HOMER2: variants seen among roughly 807,000 people sequenced by gnomAD.
HOMER2 encodes homer protein homolog 2.
HOMER2 carries 27 observed loss-of-function variants against 47.0 expected under a neutral mutation model. That is an observed-to-expected ratio of 0.57 (90% CI 0.42 to 0.79). The LOEUF (loss-of-function observed/expected upper bound fraction) is 0.79. Among genes scored for constraint, HOMER2 ranks in the 30% least tolerant of loss-of-function variants. The pLI is 0.00. For missense variants in HOMER2, 443 were observed against 435.0 expected (o/e 1.02, Z -0.16); for synonymous variants, 161 against 163.8 (o/e 0.98, Z 0.13).
At chr15:82,893,678 G>A (rs550647586) in intron 1 of HOMER2, among the ~76,000 whole-genome samples, 5 of 149,998 alleles carry the variant, frequency 3.3e-5, no homozygotes, top group African/African-American at 4.9e-5. Flanking sequence ...AGGCTGGAGC[G>A]TAGTGATGCA....
chr15:82,964,897 T>C (rs1177172062), intron 1 of HOMER2, among the ~76,000 whole-genome samples: 1 of 152,254 alleles, frequency 6.6e-6, no homozygotes, highest in Admixed American at 6.5e-5. Context: ...AAAGGTTCCG[T>C]GCTCCATAGG....
At chr15:82,891,016 C>T (rs948623231) in intron 2 of HOMER2, among the ~76,000 whole-genome samples, 3 of 152,194 alleles carry the variant, frequency 2.0e-5, no homozygotes, top group East Asian at 3.9e-4. Flanking sequence ...CAGGCACTAG[C>T]ACACTTCCTT....
intron 2 of HOMER2, among the ~76,000 whole-genome samples, chr15:82,880,961 G>A (rs928396127): frequency 1.3e-5 from 2 of 152,190 alleles, no homozygotes; most frequent in Admixed American, 6.5e-5. Flanking sequence ...ACAGCTGAGT[G>A]CCCTCAATGC....
rs560002001 is a variant in HOMER2, at chr15:82,879,157, A to G, written c.163-3753T>C. Reference sequence around the variant, plus strand: ...AAAAAAATTCTAAGACTCTGGGAGTATTCTCCTTCCTTTCATCTATTTTGT... The same window carrying G: ...AAAAAAATTCTAAGACTCTGGGAGTGTTCTCCTTCCTTTCATCTATTTTGT... On this transcript the variant is annotated intron_variant, in intron 2 of 8. Coordinates refer to ENST00000450735, the MANE Select transcript of HOMER2 (RefSeq NM_004839.4). Among the ~76,000 whole-genome samples, 4 of 152,292 alleles carry G rather than the reference A, an allele frequency of 2.6e-5. No individual in the cohort carries two copies. The East Asian group carries it at 7.7e-4, about 29-fold the overall frequency.
downstream of HOMER2, chr15:82,846,530 C>T (rs200399946): frequency 6.6e-6 from 1 of 152,168 alleles, no homozygotes; most frequent in East Asian, 1.9e-4. Context: ...ACTAGAGTGG[C>T]ATGTCTCAAA....
At chr15:82,895,169 C>T (rs1769273646) in intron 1 of HOMER2, among the ~76,000 whole-genome samples, 1 of 152,188 alleles carries the variant, frequency 6.6e-6, no homozygotes, top group South Asian at 2.1e-4. Context: ...ATTCCTTGCT[C>T]CCTGAAACTT....
At chr15:82,945,943 A>C (rs188529071) in intron 1 of HOMER2, among the ~76,000 whole-genome samples, 167 of 152,104 alleles carry the variant, frequency 1.1e-3, no homozygotes, top group Admixed American at 2.4e-3. Context: ...GCACTCCAGC[A>C]TGGGCAACAG....
chr15:82,859,288 A>G, intron 4 of HOMER2, 153 bp from the exon 5 acceptor site: 2 of 1,022,364 alleles, frequency 2.0e-6, no homozygotes, highest in Non-Finnish European at 2.8e-6. Context: ...AATGCAGCAA[A>G]GACTAACAAG....
chr15:82,934,144 A>T (rs981280765), intron 1 of HOMER2, among the ~76,000 whole-genome samples: 3 of 152,122 alleles, frequency 2.0e-5, no homozygotes, highest in Non-Finnish European at 2.9e-5. Context: ...CATATGCAGA[A>T]CAGAAAGGGA....
At chr15:82,879,927 A>T (rs1313313818) in intron 2 of HOMER2, among the ~76,000 whole-genome samples, 1 of 152,246 alleles carries the variant, frequency 6.6e-6, no homozygotes, top group Non-Finnish European at 1.5e-5. Context: ...CCAGCAGGAA[A>T]ATTAACCAAG....
chr15:82,896,761 C>T (rs1292694218), intron 1 of HOMER2, among the ~76,000 whole-genome samples: 1 of 152,232 alleles, frequency 6.6e-6, no homozygotes, highest in Non-Finnish European at 1.5e-5. Context: ...AACTACCCGC[C>T]GCTCTGGGAT....
chr15:82,894,068 A>G (rs202223500), intron 1 of HOMER2, among the ~76,000 whole-genome samples: 1 of 23,656 alleles, frequency 4.2e-5, no homozygotes, highest in African/African-American at 3.1e-4. Flanking sequence ...GTTTTATGTA[A>G]ATTCATCAAA....
rs1750419270 is a variant in HOMER2, at chr15:82,851,008, G to A, written c.843+143C>T. The A allele has an allele frequency of 7.7e-6, 5 of 652,240 alleles. No individual in the cohort carries two copies. In the South Asian group the frequency reaches 9.4e-5, roughly 12 times the overall value. 40.4% of individuals were successfully genotyped at this position (652,240 alleles called of 1,614,324 possible). A position where few individuals can be genotyped will look rare whatever the true frequency, so the allele number is the denominator to read the frequency against. Reference sequence around the variant, plus strand: ...GGGTGGATGCGGTGCCATCTGGCGTGCAGTCACTGCCAGCTTTTTGTGAAT... The same window carrying A: ...GGGTGGATGCGGTGCCATCTGGCGTACAGTCACTGCCAGCTTTTTGTGAAT... On this transcript the variant is annotated intron_variant, in intron 8 of 8. Coordinates refer to ENST00000450735, the MANE Select transcript of HOMER2 (RefSeq NM_004839.4).
At chr15:82,880,705 T>C (rs1471815499) in intron 2 of HOMER2, among the ~76,000 whole-genome samples, 1 of 152,028 alleles carries the variant, frequency 6.6e-6, no homozygotes, top group Non-Finnish European at 1.5e-5. Context: ...GCTGGACCTG[T>C]GGGTTCTGGC....
intron 1 of HOMER2, among the ~76,000 whole-genome samples, chr15:82,945,550 G>A (rs1321444273): frequency 6.6e-6 from 1 of 152,094 alleles, no homozygotes; most frequent in Non-Finnish European, 1.5e-5. Context: ...TCCCTAAGAC[G>A]TGGGATGACA....
exon 2 of HOMER2, chr15:82,839,926 T>C (rs1015636202): frequency 2.6e-5 from 4 of 152,174 alleles, no homozygotes; most frequent in African/African-American, 9.7e-5. Context: ...ACACAAATTG[T>C]ACAGGCCATA....
At chr15:82,965,475 T>C (rs919447516) in intron 1 of HOMER2, among the ~76,000 whole-genome samples, 42 of 152,300 alleles carry the variant, frequency 2.8e-4, no homozygotes, top group African/African-American at 9.9e-4. Flanking sequence ...CTCAGGTAAA[T>C]ATCTCCTACC....
At chr15:82,860,240 AT>A in intron 4 of HOMER2, among the ~76,000 whole-genome samples, 1 of 152,200 alleles carries the variant, frequency 6.6e-6, no homozygotes, top group Non-Finnish European at 1.5e-5. Context: ...CCAACTCAAA[AT>A]AAAAAAAAGG....
chr15:82,869,484 A>C (rs2052107832), intron 3 of HOMER2, among the ~76,000 whole-genome samples: 1 of 103,772 alleles, frequency 9.6e-6, no homozygotes, highest in African/African-American at 4.1e-5. Context: ...TTTGAGACAG[A>C]GTCTCACTCT....
Sources: allele counts gnomAD v4.1 joint callset (sites outside exome capture counted in the v4.1 genomes callset), GRCh38; gene constraint gnomAD v4.1.1; transcripts MANE v1.5; gene names NCBI Gene and HGNC (gene_info 2026-07-23, HGNC 2026-07-21).